Variants in MGAT4C observed in about 807,000 individuals in gnomAD.
MGAT4C encodes MGAT4 family member C.
MGAT4C carries 19 observed loss-of-function variants against 40.1 expected under a neutral mutation model. That is an observed-to-expected ratio of 0.47 (90% CI 0.33 to 0.70). The LOEUF (loss-of-function observed/expected upper bound fraction) is 0.70. Ranked by LOEUF, MGAT4C falls within the 30% of genes least tolerant of loss-of-function variation. The probability of loss-of-function intolerance (pLI) is 0.02; values close to 1 mark genes in which losing one functional copy is unlikely to be tolerated. For synonymous variants in MGAT4C, 181 were observed against 187.1 expected (o/e 0.97, Z 0.27); for missense variants, 491 against 563.2 (o/e 0.87, Z 1.30).
intron 1 of MGAT4C, among the ~76,000 whole-genome samples, chr12:86,150,117 T>G (rs1309250915): frequency 6.6e-6 from 1 of 152,152 alleles, no homozygotes; most frequent in East Asian, 1.9e-4. Flanking sequence ...TAGATTCTCA[T>G]AAGAAGTACA....
intron 1 of MGAT4C, among the ~76,000 whole-genome samples, chr12:86,201,222 T>A (rs541410309): frequency 6.6e-6 from 1 of 152,268 alleles, no homozygotes; most frequent in Admixed American, 6.5e-5. Context: ...CATGTATGCA[T>A]GACCCATGCG....
chr12:86,300,870 G>C (rs577757755), intron 4 of MGAT4C, among the ~76,000 whole-genome samples: 8 of 152,178 alleles, frequency 5.3e-5, no homozygotes, highest in South Asian at 2.1e-4. Flanking sequence ...TATGATCCTC[G>C]ATTAGGAGTA....
chr12:86,734,178 C>A (rs922543736), intron 1 of MGAT4C, among the ~76,000 whole-genome samples: 1 of 151,892 alleles, frequency 6.6e-6, no homozygotes, highest in Non-Finnish European at 1.5e-5. Flanking sequence ...TTGTTAAAAG[C>A]TAGTTATGAA....
intron 1 of MGAT4C, among the ~76,000 whole-genome samples, chr12:86,169,195 C>T (rs1163126187): frequency 1.3e-5 from 2 of 152,052 alleles, no homozygotes; most frequent in Admixed American, 1.3e-4. Flanking sequence ...GTCTTGACAC[C>T]ATGAAAGAAT....
At chr12:86,079,991 T>C (rs1870527588) in intron 1 of MGAT4C, among the ~76,000 whole-genome samples, 1 of 152,012 alleles carries the variant, frequency 6.6e-6, no homozygotes, top group Non-Finnish European at 1.5e-5. Context: ...TTTTTCTTTC[T>C]ACTTGATCCC....
At chr12:86,326,295 A>G (rs1566290777) in intron 4 of MGAT4C, among the ~76,000 whole-genome samples, 2 of 127,944 alleles carry the variant, frequency 1.6e-5, no homozygotes, top group Non-Finnish European at 3.1e-5. Flanking sequence ...CAGTATTCTC[A>G]TCACACACAC....
chr12:86,507,779 A>T (rs995696130), intron 2 of MGAT4C, among the ~76,000 whole-genome samples: 1 of 152,182 alleles, frequency 6.6e-6, no homozygotes, highest in Admixed American at 6.5e-5. Context: ...CTAAATCAGT[A>T]CTTCTTTAAA....
chr12:86,419,121 CATT>C (rs1239178491), intron 3 of MGAT4C, among the ~76,000 whole-genome samples: 1 of 151,948 alleles, frequency 6.6e-6, no homozygotes, highest in Non-Finnish European at 1.5e-5. Flanking sequence ...AAAAATATAA[CATT>C]ATTTCTCCCT....
chr12:86,296,812 G>A (rs1034844407), intron 4 of MGAT4C, among the ~76,000 whole-genome samples: 2 of 152,314 alleles, frequency 1.3e-5, no homozygotes, highest in East Asian at 3.9e-4. Context: ...AGCCGGTTCT[G>A]GCCTTGGCCA....
intron 4 of MGAT4C, among the ~76,000 whole-genome samples, chr12:86,323,683 A>G (rs1013019871): frequency 6.6e-6 from 1 of 151,944 alleles, no homozygotes; most frequent in Non-Finnish European, 1.5e-5. Context: ...CGAAATACAC[A>G]ATATATCTTA....
At chr12:86,172,348 C>T (rs562273600) in intron 1 of MGAT4C, among the ~76,000 whole-genome samples, 1 of 152,104 alleles carries the variant, frequency 6.6e-6, no homozygotes, top group Non-Finnish European at 1.5e-5. Context: ...ACTGAAAACA[C>T]TTGTTCAGTG....
chr12:86,070,138 A>G (rs1301877568), intron 1 of MGAT4C, among the ~76,000 whole-genome samples: 4 of 150,416 alleles, frequency 2.7e-5, no homozygotes, highest in Admixed American at 6.7e-5. Context: ...AAATATTCCC[A>G]TGGTTCTAAC....
chr12:86,366,661 C>G (rs1955604075), intron 3 of MGAT4C, among the ~76,000 whole-genome samples: 1 of 152,090 alleles, frequency 6.6e-6, no homozygotes, highest in Non-Finnish European at 1.5e-5. Flanking sequence ...ATACTCCAAA[C>G]CTGAGCATCA....
intron 3 of MGAT4C, 23 bp downstream of exon 3, chr12:85,989,377 G>C (rs761710049): frequency 1.9e-6 from 3 of 1,542,612 alleles, no homozygotes; most frequent in African/African-American, 2.8e-5. Context: ...TTGAAGAAAA[G>C]ACAATCAACC....
intron 1 of MGAT4C, among the ~76,000 whole-genome samples, chr12:86,086,080 C>T (rs943586915): frequency 2.6e-5 from 4 of 151,952 alleles, no homozygotes; most frequent in South Asian, 4.1e-4. Context: ...ACTATAAAGA[C>T]GCATGTACAA....
intron 3 of MGAT4C, among the ~76,000 whole-genome samples, chr12:86,399,294 C>G (rs1956314099): frequency 6.7e-6 from 1 of 149,836 alleles, no homozygotes; most frequent in Non-Finnish European, 1.5e-5. Context: ...TATTTCTTTT[C>G]TTTTTTTTGA....
At chr12:86,739,876 A>G (rs546585896) in intron 1 of MGAT4C, among the ~76,000 whole-genome samples, 1 of 150,762 alleles carries the variant, frequency 6.6e-6, no homozygotes, top group Non-Finnish European at 1.5e-5. Context: ...ACACACACAT[A>G]TATATACACA....
chr12:86,051,780 A>T (rs1892918648), intron 1 of MGAT4C, among the ~76,000 whole-genome samples: 1 of 151,250 alleles, frequency 6.6e-6, no homozygotes, highest in South Asian at 2.1e-4. Context: ...TTAGTATTAG[A>T]TAGAATTATA....
chr12:86,802,534 A>C (rs1226056340), intron 1 of MGAT4C, among the ~76,000 whole-genome samples: 1 of 152,008 alleles, frequency 6.6e-6, no homozygotes, highest in Non-Finnish European at 1.5e-5. Context: ...TAATAATGCT[A>C]TTCTATATTT....
Sources: gnomAD v4.1 joint callset for allele counts (sites outside exome capture counted in the v4.1 genomes callset) on GRCh38, gnomAD v4.1.1 for gene constraint, MANE v1.5 for transcripts, NCBI Gene and HGNC (gene_info 2026-07-23, HGNC 2026-07-21) for gene names.